CCDC175: variants seen among roughly 807,000 people sequenced by gnomAD.
CCDC175 encodes coiled-coil domain-containing protein 175.
A neutral mutation model predicts 114.6 loss-of-function variants in CCDC175; 100 were observed. The ratio of observed to expected loss-of-function variants is 0.87; its 90% CI spans 0.74 to 1.03. The LOEUF (loss-of-function observed/expected upper bound fraction) is 1.03. CCDC175 is among the 50% of genes least tolerant of loss of function. The pLI is 0.00. For synonymous variants in CCDC175, 306 were observed against 308.7 expected (o/e 0.99, Z 0.09); for missense variants, 880 against 917.8 (o/e 0.96, Z 0.53).
intron 19 of CCDC175, among the ~76,000 whole-genome samples, chr14:59,506,275 A>ATTTTTTTTTTTTTTT (rs35322741): frequency 2.9e-5 from 4 of 136,032 alleles, no homozygotes; most frequent in Admixed American, 7.5e-5. Context: ...GAGCACAGGG[A>ATTTTTTTTTTTTTTT]TTTTTTTTTT....
chr14:59,557,366 A>G (rs372556045), intron 7 of CCDC175, among the ~76,000 whole-genome samples: 1 of 151,244 alleles, frequency 6.6e-6, no homozygotes. Flanking sequence ...TATCGCAAGG[A>G]CAAAAAACCA....
chr14:59,508,215 T>G (rs1197862964), intron 19 of CCDC175, among the ~76,000 whole-genome samples: 1 of 152,072 alleles, frequency 6.6e-6, no homozygotes, highest in Admixed American at 6.5e-5. Context: ...CCCTGACCCC[T>G]TCTTCCAAAT....
Position 59,576,613 on chromosome 14 carries a change from T to C in CCDC175, c.157+6A>G. On this transcript the variant is annotated splice_donor_region_variant and intron_variant, in intron 1 of 19. Coordinates refer to ENST00000537690, the MANE Select transcript of CCDC175 (RefSeq NM_001164399.2). ...CGTCCCTTCCAGCGCCCGAGGGGCG[T>C]CTTACCCACAACAAACAGCTGCTCC... is the stretch of plus-strand genomic sequence containing the variant. 6.9e-7 allele frequency: 1 copy of C among 1,444,662 alleles called. No homozygotes were observed. The highest frequency in any genetic ancestry group is 9.0e-7 in the Non-Finnish European group (1 of 1,107,670). The allele number at this position is 1,444,662 out of a possible 1,614,324, so 89.5% of individuals were successfully genotyped here. A position where few individuals can be genotyped will look rare whatever the true frequency, so the allele number is the denominator to read the frequency against.
Position 59,575,026 on chromosome 14 carries a change from G to T in CCDC175, c.160C>A (p.Gln54Lys), listed in dbSNP as rs1196273780. The part of the protein sequence containing the change: ...EALEQLFVVE[Q>K]SLQSDYFKCN... ...TTAAAATAGTCACTTTGCAGTGATT[G>T]TTCTGAAAAAAAAATTAGAAAATAA... Residue 54 changes from glutamine to lysine, a missense_variant and splice_region_variant, in exon 2 of 20, where the codon CAA (glutamine) becomes AAA (lysine). Gln to Lys is a moderately conservative substitution (Grantham distance 53). Coordinates refer to ENST00000537690, the MANE Select transcript of CCDC175 (RefSeq NM_001164399.2). 1 of 1,446,474 alleles carries T rather than the reference G, an allele frequency of 6.9e-7. No homozygotes were observed. The highest frequency in any genetic ancestry group is 9.1e-7 in the Non-Finnish European group (1 of 1,092,956). 89.6% of individuals were successfully genotyped at this position (1,446,474 alleles called of 1,614,324 possible). A position where few individuals can be genotyped will look rare whatever the true frequency, so the allele number is the denominator to read the frequency against.
intron 10 of CCDC175, 83 bp downstream of exon 10, chr14:59,543,261 C>A: frequency 1.9e-6 from 1 of 520,184 alleles, no homozygotes; most frequent in South Asian, 3.7e-5. Context: ...TGTTAGAAAT[C>A]AACATAGATT....
chr14:59,568,465 T>C, intron 3 of CCDC175, 85 bp from the exon 4 acceptor site: 1 of 1,049,888 alleles, frequency 9.5e-7, no homozygotes, highest in Non-Finnish European at 1.3e-6. Flanking sequence ...AAGCTTTCTT[T>C]GAAATATTCT....
chr14:59,540,555 G>A (rs1287809271), intron 11 of CCDC175, 120 bp downstream of exon 11: 5 of 1,126,208 alleles, frequency 4.4e-6, no homozygotes, highest in Non-Finnish European at 4.9e-6. Context: ...ACATAATTTA[G>A]GAAAATCATT....
At chr14:59,518,226 A>G (rs1426464552) in intron 17 of CCDC175, among the ~76,000 whole-genome samples, 1 of 152,222 alleles carries the variant, frequency 6.6e-6, no homozygotes, top group East Asian at 1.9e-4. Flanking sequence ...CCCTAGAAGA[A>G]AACCTAGGCA....
At chr14:59,544,571 A>T (rs943720852) in intron 9 of CCDC175, among the ~76,000 whole-genome samples, 1 of 152,178 alleles carries the variant, frequency 6.6e-6, no homozygotes, top group African/African-American at 2.4e-5. Flanking sequence ...AACCCCCAAC[A>T]TGATGAAGAA....
At chr14:59,575,374 A>G (rs992980856) in intron 1 of CCDC175, among the ~76,000 whole-genome samples, 7 of 152,192 alleles carry the variant, frequency 4.6e-5, no homozygotes, top group Non-Finnish European at 1.5e-5. Flanking sequence ...CTAGGGTTGC[A>G]TTGGCATGCC....
Position 59,575,031 on chromosome 14 carries a change from G to GA in CCDC175, c.158-4dup, listed in dbSNP as rs35273647. 0.27 allele frequency: 372,505 copies of GA among 1,376,964 alleles called. 48,010 individuals carry two copies. The highest frequency in any genetic ancestry group is 0.44 in the African/African-American group (29,718 of 67,380). The allele number at this position is 1,376,964 out of a possible 1,614,324, so 85.3% of individuals were successfully genotyped here. A position where few individuals can be genotyped will look rare whatever the true frequency, so the allele number is the denominator to read the frequency against. ...ATAGTCACTTTGCAGTGATTGTTCT[G>GA]AAAAAAAAATTAGAAAATAAAGATC... On this transcript the variant is annotated splice_polypyrimidine_tract_variant and splice_region_variant and intron_variant, in intron 1 of 19. Coordinates refer to ENST00000537690, the MANE Select transcript of CCDC175 (RefSeq NM_001164399.2).
intron 7 of CCDC175, among the ~76,000 whole-genome samples, chr14:59,552,192 G>GA (rs1895551943): frequency 6.6e-6 from 1 of 152,238 alleles, no homozygotes; most frequent in Non-Finnish European, 1.5e-5. Flanking sequence ...CCTGACCCCC[G>GA]AGTAGCCTAT....
intron 8 of CCDC175, among the ~76,000 whole-genome samples, chr14:59,548,021 A>T (rs1050876378): frequency 2.6e-5 from 4 of 152,186 alleles, no homozygotes; most frequent in African/African-American, 9.6e-5. Context: ...TTGCAGCACT[A>T]TTCAGAGTAG....
chr14:59,565,073 T>C lies in CCDC175; in HGVS notation c.694A>G (p.Ile232Val). ...LMEKERAEYL[I>V]RKQELTAQIN... The stretch of plus-strand genomic sequence containing the variant: ...TGTGCAGTCAACTCTTGTTTTCTTA[T>C]TAGATATTCTGCCCTTTCTTTTTCC... The change falls in exon 5 of 20, where the codon ATA (isoleucine) becomes GTA (valine). Residue 232 changes from isoleucine to valine, a missense_variant. By Grantham distance (29) the Ile-to-Val change is conservative. Coordinates refer to ENST00000537690, the MANE Select transcript of CCDC175 (RefSeq NM_001164399.2). 2.0e-6 allele frequency: 3 copies of C among 1,536,348 alleles called. No homozygotes were observed. The highest frequency in any genetic ancestry group is 1.2e-5 in the South Asian group (1 of 83,860).
intron 6 of CCDC175, 52 bp from the exon 7 acceptor site, chr14:59,561,280 T>C (rs1369282993): frequency 7.5e-6 from 7 of 933,254 alleles, no homozygotes; most frequent in Non-Finnish European, 9.9e-6. Context: ...AAGTGATTCA[T>C]AACAGCAGTT....
At chr14:59,531,985 T>C (rs1032351709) in intron 13 of CCDC175, 75 bp from the exon 14 acceptor site, 10 of 738,058 alleles carry the variant, frequency 1.4e-5, no homozygotes, top group East Asian at 2.8e-5. Context: ...AGAATATAAG[T>C]TTTTTGAGGG....
intron 17 of CCDC175, among the ~76,000 whole-genome samples, chr14:59,517,999 C>G (rs528904298): frequency 1.3e-5 from 2 of 152,012 alleles, no homozygotes; most frequent in African/African-American, 2.4e-5. Flanking sequence ...CCGAACAGAG[C>G]CCTCAGAAAT....
intron 17 of CCDC175, among the ~76,000 whole-genome samples, chr14:59,519,834 T>C (rs553735604): frequency 2.6e-5 from 4 of 152,222 alleles, no homozygotes; most frequent in Non-Finnish European, 5.9e-5. Context: ...TAAGACGCCA[T>C]GAACTTCCAC....
chr14:59,559,772 G>A (rs974951), intron 7 of CCDC175, among the ~76,000 whole-genome samples: 88,347 of 151,898 alleles, frequency 0.58, 26,672 homozygotes, highest in East Asian at 0.83. Context: ...AGGATCACTT[G>A]TATCCTCAAC....
Sources: allele counts gnomAD v4.1 joint callset (sites outside exome capture counted in the v4.1 genomes callset), GRCh38; gene constraint gnomAD v4.1.1; transcripts MANE v1.5; gene names NCBI Gene and HGNC (gene_info 2026-07-23, HGNC 2026-07-21).